Variants in CTNNA3 observed in about 807,000 individuals in gnomAD.
CTNNA3 encodes the protein catenin alpha-3.
Under a neutral mutation model 95.7 loss-of-function variants are expected in CTNNA3, and 76 were observed. The observed-to-expected ratio is 0.79, with a 90% CI of 0.66 to 0.96. CTNNA3 has a LOEUF of 0.96. Among genes scored for constraint, CTNNA3 ranks in the 40% least tolerant of loss-of-function variants. CTNNA3 has a pLI of 0.00. For missense variants in CTNNA3, 1,191 were observed against 1,089.8 expected, an observed-to-expected ratio of 1.09 and a Z score of -1.31; for synonymous variants, 431 against 374.4, an observed-to-expected ratio of 1.15 and a Z score of -1.74.
At chr10:67,195,926 T>C (rs560127528) in intron 6 of CTNNA3, among the ~76,000 whole-genome samples, 121 of 152,216 alleles carry the variant, frequency 7.9e-4, no homozygotes, top group African/African-American at 2.6e-3. Flanking sequence ...TTACACCTAT[T>C]CTCCAAAGTG....
At chr10:66,244,607 G>A (rs10740227) in intron 13 of CTNNA3, among the ~76,000 whole-genome samples, 122,875 of 152,104 alleles carry the variant, frequency 0.81, 49,965 homozygotes, top group South Asian at 0.94. Context: ...CTGGTAATTC[G>A]GAGAATTCTT....
At chr10:66,805,567 T>C (rs1757847804) in intron 7 of CTNNA3, among the ~76,000 whole-genome samples, 1 of 150,598 alleles carries the variant, frequency 6.6e-6, no homozygotes, top group Non-Finnish European at 1.5e-5. Flanking sequence ...ATAATAATGG[T>C]AATTTATGGG....
At chr10:67,255,069 G>T (rs1160616603) in intron 5 of CTNNA3, among the ~76,000 whole-genome samples, 2 of 152,156 alleles carry the variant, frequency 1.3e-5, no homozygotes, top group Non-Finnish European at 2.9e-5. Context: ...GCTGAGGCAG[G>T]TGGATCACCT....
intron 13 of CTNNA3, among the ~76,000 whole-genome samples, chr10:66,167,387 T>C (rs1564721604): frequency 1.3e-5 from 2 of 152,312 alleles, no homozygotes; most frequent in East Asian, 1.9e-4. Flanking sequence ...TTAAGTTTCC[T>C]GTGAGATTTA....
chr10:66,341,122 T>C (rs1417340288), intron 12 of CTNNA3, among the ~76,000 whole-genome samples: 1 of 151,882 alleles, frequency 6.6e-6, no homozygotes. Context: ...GATGCTTTTC[T>C]GAGATTCAAA....
intron 9 of CTNNA3, among the ~76,000 whole-genome samples, chr10:66,713,483 T>G (rs573201310): frequency 7.3e-6 from 1 of 136,156 alleles, no homozygotes; most frequent in Non-Finnish European, 1.6e-5. Flanking sequence ...AGATCTTAAT[T>G]AAAGAAATTA....
At chr10:66,633,406 T>A (rs191977236) in intron 9 of CTNNA3, among the ~76,000 whole-genome samples, 1 of 152,064 alleles carries the variant, frequency 6.6e-6, no homozygotes, top group Non-Finnish European at 1.5e-5. Flanking sequence ...CATGACCAGG[T>A]GCAGTGGCTC....
chr10:66,073,715 A>T (rs887104789), intron 14 of CTNNA3, among the ~76,000 whole-genome samples: 1 of 151,856 alleles, frequency 6.6e-6, no homozygotes, highest in African/African-American at 2.4e-5. Context: ...CTTTGTTTTA[A>T]ATCTTCTTGC....
At chr10:67,146,734 G>A (rs1224316206) in intron 7 of CTNNA3, among the ~76,000 whole-genome samples, 1 of 152,110 alleles carries the variant, frequency 6.6e-6, no homozygotes, top group African/African-American at 2.4e-5. Context: ...AAAACATCCA[G>A]AAATTTCTGG....
chr10:66,062,804 G>C (rs2080228951), intron 15 of CTNNA3, among the ~76,000 whole-genome samples: 1 of 151,980 alleles, frequency 6.6e-6, no homozygotes, highest in African/African-American at 2.4e-5. Context: ...AGAGAATGTT[G>C]GGCTGCTTAG....
At chr10:67,404,005 C>T (rs751262277) in intron 5 of CTNNA3, among the ~76,000 whole-genome samples, 10 of 152,082 alleles carry the variant, frequency 6.6e-5, no homozygotes, top group Admixed American at 1.3e-4. Flanking sequence ...AAAGAAAAAA[C>T]GAGCAAAACA....
At chr10:65,936,483 A>G (rs1463724822) in intron 17 of CTNNA3, among the ~76,000 whole-genome samples, 1 of 152,094 alleles carries the variant, frequency 6.6e-6, no homozygotes, top group Admixed American at 6.5e-5. Context: ...ATTATACATT[A>G]TTTGTTGGAC....
intron 5 of CTNNA3, among the ~76,000 whole-genome samples, chr10:67,321,273 A>G (rs1841308293): frequency 6.6e-6 from 1 of 152,190 alleles, no homozygotes; most frequent in Non-Finnish European, 1.5e-5. Context: ...CAAAGCACCT[A>G]AGAGAAGATA....
At chr10:65,996,706 C>T (rs918736406) in intron 15 of CTNNA3, among the ~76,000 whole-genome samples, 61 of 152,216 alleles carry the variant, frequency 4.0e-4, no homozygotes, top group African/African-American at 1.4e-3. Flanking sequence ...TGCAGGAGCC[C>T]ATCATGGGAA....
chr10:67,552,749 A>G (rs1337946559), intron 3 of CTNNA3, among the ~76,000 whole-genome samples: 1 of 151,764 alleles, frequency 6.6e-6, no homozygotes, highest in Non-Finnish European at 1.5e-5. Flanking sequence ...TCCCACTTAT[A>G]TGTGAGAACA....
intron 13 of CTNNA3, among the ~76,000 whole-genome samples, chr10:66,167,948 T>C (rs957522387): frequency 1.3e-5 from 2 of 152,102 alleles, no homozygotes; most frequent in African/African-American, 4.8e-5. Flanking sequence ...CCATGGGAAA[T>C]GTAGACATAG....
chr10:67,242,282 A>G (rs1286799844), intron 5 of CTNNA3, among the ~76,000 whole-genome samples: 2 of 152,254 alleles, frequency 1.3e-5, no homozygotes, highest in Non-Finnish European at 2.9e-5. Context: ...ATGTGGAGAA[A>G]GAATGAAACT....
chr10:66,341,972 T>C (rs567147300), intron 12 of CTNNA3, among the ~76,000 whole-genome samples: 1 of 151,854 alleles, frequency 6.6e-6, no homozygotes, highest in South Asian at 2.1e-4. Flanking sequence ...TATATATATA[T>C]ATATATTCAC....
chr10:67,259,345 A>C (rs548039802), intron 5 of CTNNA3, among the ~76,000 whole-genome samples: 12 of 152,254 alleles, frequency 7.9e-5, no homozygotes, highest in South Asian at 2.1e-4. Context: ...ATCAGCCTTA[A>C]AGCTCTGAAC....
Sources: allele counts gnomAD v4.1 joint callset (sites outside exome capture counted in the v4.1 genomes callset), GRCh38; gene constraint gnomAD v4.1.1; transcripts MANE v1.5; gene names NCBI Gene and HGNC (gene_info 2026-07-23, HGNC 2026-07-21).